The following DGKE variants were observed in gnomAD, a reference collection of about 807,000 sequenced individuals.
DGKE encodes the protein diacylglycerol kinase epsilon, also known as DAG kinase epsilon.
DGKE carries 53 observed loss-of-function variants against 70.0 expected under a neutral mutation model. That is an observed-to-expected ratio of 0.76 (90% CI 0.61 to 0.95). The LOEUF (loss-of-function observed/expected upper bound fraction) is 0.95. Among genes scored for constraint, DGKE ranks in the 40% least tolerant of loss-of-function variants. DGKE has a pLI of 0.00. For missense variants in DGKE, 655 were observed against 706.9 expected (o/e 0.93, Z 0.83); for synonymous variants, 291 against 257.0 (o/e 1.13, Z -1.27).
intron 9 of DGKE, among the ~76,000 whole-genome samples, chr17:56,861,294 G>C (rs1353564637): frequency 3.3e-5 from 5 of 152,088 alleles, no homozygotes; most frequent in South Asian, 2.1e-4. Context: ...ACTCTTTCCT[G>C]GTAAGTACAT....
rs748572065 is a variant in DGKE at position 56,856,528 on chromosome 17, A to G, written c.1115A>G (p.Asn372Ser). The G allele has an allele frequency of 6.2e-7, 1 of 1,613,212 alleles. No homozygotes were observed. Among genetic ancestry groups the G allele is most frequent in the South Asian group, 1.1e-5 (1 of 90,816 alleles). The change falls in exon 8 of 12, where the codon AAC becomes AGC. Residue 372 changes from asparagine (N) to serine (S), a missense_variant. By Grantham distance (46) the Asn-to-Ser change is conservative (BLOSUM62 1). Transcript: ENST00000284061. ...LRKPKEFTMNNYFSVGPDALM... is the reference protein window; with the variant it reads ...LRKPKEFTMNSYFSVGPDALM... ...TTCTCACAGGAATTCACAATGAACAACTATTTTTCTGTTGGACCTGATGCT... is the reference window on the plus strand; with the variant it reads ...TTCTCACAGGAATTCACAATGAACAGCTATTTTTCTGTTGGACCTGATGCT...
In DGKE at chr17:56,834,917, G is replaced by T. The variant is rs780090113; in HGVS notation, c.122G>T (p.Ser41Ile). The change falls in exon 2 of 12, where the codon AGC (serine) becomes ATC (isoleucine). Residue 41 changes from serine to isoleucine, a missense_variant. Transcript: ENST00000284061. ...LLPVFITFWC[S>I]LQRSRRQLHR... The stretch of plus-strand genomic sequence containing the variant: ...CCGGTGTTCATCACCTTCTGGTGTA[G>T]CCTCCAGCGGTCGCGCCGGCAGCTG... 16 of 1,613,512 alleles carry T rather than the reference G, an allele frequency of 9.9e-6. No homozygotes were observed. The highest frequency in any genetic ancestry group is 1.3e-5 in the Non-Finnish European group (15 of 1,179,974).
chr17:56,843,438 T>C (rs1037353810), intron 2 of DGKE, among the ~76,000 whole-genome samples: 1 of 152,114 alleles, frequency 6.6e-6, no homozygotes, highest in African/African-American at 2.4e-5. Flanking sequence ...AATAACTCTT[T>C]AGTGTTATTA....
intron 7 of DGKE, among the ~76,000 whole-genome samples, chr17:56,853,256 A>G (rs1016098365): frequency 4.6e-5 from 7 of 152,066 alleles, no homozygotes; most frequent in African/African-American, 1.7e-4. Flanking sequence ...TCTTCACTCT[A>G]TTGTTTTCCT....
intron 2 of DGKE, among the ~76,000 whole-genome samples, chr17:56,842,564 T>G (rs891152372): frequency 7.2e-5 from 11 of 152,224 alleles, no homozygotes; most frequent in Admixed American, 5.9e-4. Context: ...AATGTGATTA[T>G]GCAAATTATT....
intron 2 of DGKE, among the ~76,000 whole-genome samples, chr17:56,839,239 T>C (rs1327748487): frequency 6.6e-6 from 1 of 152,108 alleles, no homozygotes; most frequent in Non-Finnish European, 1.5e-5. Flanking sequence ...AGAATCAGCG[T>C]GAAGGGTGGG....
rs1908547770 is a variant in DGKE, at chr17:56,866,976, T to C, written c.*4185T>C. Reference sequence around the variant, plus strand: ...CGTCGCTGTTTAGAATGTGGCCACTTGGCTGTTTCACAGTTTTTAAAGCTA... The same window carrying C: ...CGTCGCTGTTTAGAATGTGGCCACTCGGCTGTTTCACAGTTTTTAAAGCTA... On this transcript the variant is annotated 3_prime_UTR_variant, in exon 12 of 12. Transcript: ENST00000284061. 1 of 152,240 alleles carries C rather than the reference T, an allele frequency of 6.6e-6. No individual in the cohort carries two copies. Among genetic ancestry groups the C allele is most frequent in the South Asian group, 2.1e-4 (1 of 4,834 alleles). 9.4% of individuals were successfully genotyped at this position (152,240 alleles called of 1,614,324 possible).
Position 56,866,528 on chromosome 17 carries a change from T to C in DGKE, c.*3737T>C, listed in dbSNP as rs1451693803. ...CTGTCCTCTTCCCTCAAAATCACTT[T>C]TCTAAAAGAACTCTATGAAAAACTT... On this transcript the variant is annotated 3_prime_UTR_variant, in exon 12 of 12. Coordinates refer to ENST00000284061, the MANE Select transcript of DGKE (RefSeq NM_003647.3). The C allele has an allele frequency of 6.6e-6, 1 of 152,262 alleles. No individual in the cohort carries two copies. The highest frequency in any genetic ancestry group is 2.4e-5 in the African/African-American group (1 of 41,478). 9.4% of individuals were successfully genotyped at this position (152,262 alleles called of 1,614,324 possible). A position where few individuals can be genotyped will look rare whatever the true frequency, so the allele number is the denominator to read the frequency against.
chr17:56,840,626 C>T (rs1906918390), intron 2 of DGKE, among the ~76,000 whole-genome samples: 2 of 152,192 alleles, frequency 1.3e-5, no homozygotes, highest in South Asian at 4.1e-4. Flanking sequence ...GTGATCCGCC[C>T]GCCTGGCCTC....
intron 7 of DGKE, among the ~76,000 whole-genome samples, chr17:56,849,832 T>C (rs2144246721): frequency 6.6e-6 from 1 of 152,326 alleles, no homozygotes; most frequent in African/African-American, 2.4e-5. Flanking sequence ...ATATTGGGCA[T>C]ATCAATCTAA....
chr17:56,847,053 A>G (rs1167144636), intron 4 of DGKE, among the ~76,000 whole-genome samples: 1 of 152,202 alleles, frequency 6.6e-6, no homozygotes, highest in Non-Finnish European at 1.5e-5. Context: ...ATTGTACTAT[A>G]AATAATGCCA....
rs1160997563 is a variant in DGKE, at chr17:56,837,630, G to A, written c.464+2371G>A. 2.0e-5 allele frequency among the ~76,000 whole-genome samples: 3 copies of A among 152,178 alleles called. No homozygotes were observed. The East Asian group carries it at 5.8e-4, about 29-fold the overall frequency. On this transcript the variant is annotated intron_variant, in intron 2 of 11. Coordinates refer to ENST00000284061, the MANE Select transcript of DGKE (RefSeq NM_003647.3). ...TACAGTCTCCTGTGACCTTCTGTAGGAATGAGATATTTTGGAAGGAGAAAC... is the reference window on the plus strand; with the variant it reads ...TACAGTCTCCTGTGACCTTCTGTAGAAATGAGATATTTTGGAAGGAGAAAC...
chr17:56,842,100 A>G (rs765629543), intron 2 of DGKE, among the ~76,000 whole-genome samples: 1 of 152,230 alleles, frequency 6.6e-6, no homozygotes, highest in Non-Finnish European at 1.5e-5. Flanking sequence ...CAATGTAGAA[A>G]AGCATTATCC....
At chr17:56,843,738 C>T (rs989418750) in intron 2 of DGKE, among the ~76,000 whole-genome samples, 3 of 139,440 alleles carry the variant, frequency 2.2e-5, no homozygotes, top group Admixed American at 8.2e-5. Context: ...GCAGAGGTTG[C>T]GGTGAGCTGA....
Position 56,864,976 on chromosome 17 carries a change from T to C in DGKE, c.*2185T>C, listed in dbSNP as rs1228716155. The C allele has an allele frequency of 6.6e-6, 1 of 152,194 alleles. No homozygotes were observed. Among genetic ancestry groups the C allele is most frequent in the East Asian group, 1.9e-4 (1 of 5,204 alleles). 9.4% of individuals were successfully genotyped at this position (152,194 alleles called of 1,614,324 possible). ...TAAGGTTTTTGCATCACTACTGGTCTGTCATGAAGTTTTTCTGCTGGCTTA... is the reference window on the plus strand; with the variant it reads ...TAAGGTTTTTGCATCACTACTGGTCCGTCATGAAGTTTTTCTGCTGGCTTA... On this transcript the variant is annotated 3_prime_UTR_variant, in exon 12 of 12. Transcript: ENST00000284061.
intron 2 of DGKE, chr17:56,835,482 T>C: frequency 1.8e-6 from 1 of 560,188 alleles, no homozygotes; most frequent in Non-Finnish European, 3.1e-6. Context: ...CAGCCTGCCC[T>C]TTTGGGTAAT....
intron 2 of DGKE, chr17:56,836,355 C>G (rs748875597): frequency 7.2e-5 from 11 of 152,162 alleles, no homozygotes; most frequent in Non-Finnish European, 1.3e-4. Flanking sequence ...TAGACAACTA[C>G]AAAGTTTTGT....
chr17:56,849,955 A>C (rs1907547923), intron 7 of DGKE, among the ~76,000 whole-genome samples: 1 of 152,152 alleles, frequency 6.6e-6, no homozygotes, highest in Non-Finnish European at 1.5e-5. Context: ...AAGTAAAATA[A>C]ACTGGGGAGG....
In DGKE at chr17:56,866,366, C is replaced by A. The variant is rs1203789981; in HGVS notation, c.*3575C>A. The A allele has an allele frequency of 6.6e-6, 1 of 152,186 alleles. No homozygotes were observed. Among genetic ancestry groups the A allele is most frequent in the Non-Finnish European group, 1.5e-5 (1 of 68,036 alleles). The allele number at this position is 152,186 out of a possible 1,614,324, so 9.4% of individuals were successfully genotyped here. A position where few individuals can be genotyped will look rare whatever the true frequency, so the allele number is the denominator to read the frequency against. On this transcript the variant is annotated 3_prime_UTR_variant, in exon 12 of 12. Coordinates refer to ENST00000284061, the MANE Select transcript of DGKE (RefSeq NM_003647.3). ...TGTTTTTATTAACAAGCGCCTCAGG[C>A]GATTCTTAAGCATACTGAAATTTGA...
Sources: gnomAD v4.1 joint callset for allele counts (sites outside exome capture counted in the v4.1 genomes callset) on GRCh38, gnomAD v4.1.1 for gene constraint, MANE v1.5 for transcripts, NCBI Gene and HGNC (gene_info 2026-07-23, HGNC 2026-07-21) for gene names.